The following MEIOB variants were observed in gnomAD, a reference collection of about 807,000 sequenced individuals.
MEIOB encodes the protein meiosis specific with OB-fold.
MEIOB carries 50 observed loss-of-function variants against 53.1 expected under a neutral mutation model. That is an observed-to-expected ratio of 0.94 (90% CI 0.75 to 1.19). MEIOB has a LOEUF of 1.19. Ranked by LOEUF, MEIOB falls within the 50% of genes most tolerant of loss-of-function variation. The pLI, the probability that MEIOB is intolerant of heterozygous loss-of-function variation, is 0.00. For synonymous variants in MEIOB, 192 were observed against 182.5 expected, an observed-to-expected ratio of 1.05 and a Z score of -0.42; for missense variants, 551 against 550.8, an observed-to-expected ratio of 1.00 and a Z score of 0.00.
intron 11 of MEIOB, chr16:1,841,038 CAG>C: frequency 9.7e-6 from 1 of 102,924 alleles, no homozygotes; most frequent in Non-Finnish European, 1.8e-5. Context: ...TTTTTTGAGA[CAG>C]AGTTTCACTC....
intron 7 of MEIOB, 112 bp from the exon 8 acceptor site, chr16:1,853,383 C>T: frequency 1.2e-6 from 1 of 831,040 alleles, no homozygotes; most frequent in Middle Eastern, 3.4e-4. Context: ...TCAGCCATCC[C>T]CAAGGTGGTC....
At position 1,859,007 on chromosome 16, in the gene MEIOB, C is replaced by CATGAGGCTCACAT. The variant is rs1272039239; in HGVS notation, c.333-1090_333-1078dup. 2.0e-5 allele frequency among the ~76,000 whole-genome samples: 3 copies of CATGAGGCTCACAT among 152,288 alleles called. No individual in the cohort carries two copies. In the East Asian group the frequency reaches 5.8e-4, roughly 29 times the overall value. On this transcript the variant is annotated intron_variant, in intron 5 of 13. Transcript: ENST00000325962. Reference sequence around the variant, plus strand: ...AGAAGGCAGACAAGACCTTTGATCTCATGAGGCTCACATATGTGAGGGGGA... The same window carrying CATGAGGCTCACAT: ...AGAAGGCAGACAAGACCTTTGATCTCATGAGGCTCACATATGAGGCTCACATATGTGAGGGGGA...
intron 6 of MEIOB, among the ~76,000 whole-genome samples, chr16:1,856,540 C>T (rs1459087002): frequency 4.6e-5 from 7 of 152,068 alleles, no homozygotes; most frequent in African/African-American, 7.2e-5. Context: ...AGGATGGTCT[C>T]GATCTCCTGA....
chr16:1,856,319 C>A (rs1190934797), intron 6 of MEIOB, among the ~76,000 whole-genome samples: 1 of 75,618 alleles, frequency 1.3e-5, no homozygotes, highest in Admixed American at 1.4e-4. Flanking sequence ...CCATGCCCAG[C>A]TAATTTTTTT....
chr16:1,861,094 T>A (rs1596981968), intron 4 of MEIOB, among the ~76,000 whole-genome samples: 1 of 152,174 alleles, frequency 6.6e-6, no homozygotes, highest in African/African-American at 2.4e-5. Context: ...TATTTCATAG[T>A]TGAGACCCAA....
Position 1,837,867 on chromosome 16 carries a change from G to A in MEIOB, c.1222C>T (p.His408Tyr). 3 of 1,505,070 alleles carry A rather than the reference G, an allele frequency of 2.0e-6. No homozygotes were observed. The highest frequency in any genetic ancestry group is 2.7e-6 in the Non-Finnish European group (3 of 1,125,942). 93.2% of individuals were successfully genotyped at this position (1,505,070 alleles called of 1,614,324 possible). The change falls in exon 13 of 14, where the codon CAT becomes TAT. Residue 408 changes from histidine to tyrosine, a missense_variant. By Grantham distance (83) the His-to-Tyr change is moderately conservative. Transcript: ENST00000325962. ...TCATCTGTCATTGCAAGAAACTCAT[G>A]TACCTGGTTAAAAAAAAAATATGAG... ...VAEETLGCTVHEFLAMTDEQK... is the reference protein window; with the variant it reads ...VAEETLGCTVYEFLAMTDEQK...
At chr16:1,866,565 AC>A in intron 2 of MEIOB, among the ~76,000 whole-genome samples, 1 of 152,040 alleles carries the variant, frequency 6.6e-6, no homozygotes, top group Non-Finnish European at 1.5e-5. Flanking sequence ...TACTAAAAAT[AC>A]AAAAAATTAG....
intron 2 of MEIOB, among the ~76,000 whole-genome samples, chr16:1,867,669 T>G (rs1002773224): frequency 6.6e-6 from 1 of 151,832 alleles, no homozygotes; most frequent in African/African-American, 2.4e-5. Context: ...ATGGGGTTTC[T>G]CCATGTTGAT....
At chr16:1,855,472 G>A (rs1040456981) in intron 6 of MEIOB, among the ~76,000 whole-genome samples, 3 of 152,028 alleles carry the variant, frequency 2.0e-5, no homozygotes, top group African/African-American at 7.2e-5. Flanking sequence ...AAAAGAAAAT[G>A]TAAGAGGGCT....
intron 3 of MEIOB, among the ~76,000 whole-genome samples, chr16:1,863,501 C>T (rs1024098672): frequency 2.6e-5 from 4 of 151,936 alleles, no homozygotes; most frequent in African/African-American, 7.3e-5. Context: ...ATTCTCCTGC[C>T]TCACCCTCCC....
At chr16:1,863,202 T>C (rs1899491642) in intron 3 of MEIOB, among the ~76,000 whole-genome samples, 1 of 151,974 alleles carries the variant, frequency 6.6e-6, no homozygotes, top group Admixed American at 6.6e-5. Flanking sequence ...CTGGGAAGAA[T>C]GAGTTCAGGG....
intron 1 of MEIOB, 93 bp from the exon 2 acceptor site, chr16:1,868,277 C>G: frequency 1.5e-6 from 1 of 684,370 alleles, no homozygotes; most frequent in Non-Finnish European, 2.5e-6. Flanking sequence ...TTATTTAGGG[C>G]CGGACATGGT....
rs1899101120 is a variant in MEIOB at position 1,849,307 on chromosome 16, CT to C, written c.778+3731del. Among the ~76,000 whole-genome samples, 4 of 152,136 alleles carry C rather than the reference CT, an allele frequency of 2.6e-5. No individual in the cohort carries two copies. The South Asian group carries it at 8.3e-4, about 32-fold the overall frequency. On this transcript the variant is annotated intron_variant, in intron 9 of 13. Coordinates refer to ENST00000325962, the MANE Select transcript of MEIOB (RefSeq NM_001163560.3). ...GTGGCTCACACTTGTAATCCCAGCA[CT>C]TTGGGAGGCCAAGGCAGGCAGATCA...
chr16:1,837,219 G>C (rs1233907085), intron 13 of MEIOB, among the ~76,000 whole-genome samples: 2 of 152,122 alleles, frequency 1.3e-5, no homozygotes, highest in East Asian at 3.8e-4. Flanking sequence ...CCTCTGCAGG[G>C]TCTCACAGGC....
In MEIOB at chr16:1,862,121, G is replaced by C. The variant is rs1256381738; in HGVS notation, c.128-5C>G. ...TGTACCTTTCTGATCCAATATCTAAGGGAAAACCAATGCTTTTATTTTTCA... is the reference window on the plus strand; with the variant it reads ...TGTACCTTTCTGATCCAATATCTAACGGAAAACCAATGCTTTTATTTTTCA... On this transcript the variant is annotated splice_region_variant and splice_polypyrimidine_tract_variant and intron_variant, in intron 3 of 13. Transcript: ENST00000325962. 1.3e-6 allele frequency: 2 copies of C among 1,548,134 alleles called. No homozygotes were observed. The highest frequency in any genetic ancestry group is 4.0e-5 in the Admixed American group (2 of 50,340).
At chr16:1,859,310 G>A (rs1177235562) in intron 5 of MEIOB, among the ~76,000 whole-genome samples, 2 of 152,184 alleles carry the variant, frequency 1.3e-5, no homozygotes, top group Non-Finnish European at 1.5e-5. Context: ...GGGAGGCCGA[G>A]GCGGGCGGAT....
chr16:1,849,414 C>T (rs1024670157), intron 9 of MEIOB, among the ~76,000 whole-genome samples: 11 of 151,958 alleles, frequency 7.2e-5, no homozygotes, highest in South Asian at 6.2e-4. Context: ...GGTGTGGTGG[C>T]GGGCACCTGT....
intron 3 of MEIOB, among the ~76,000 whole-genome samples, chr16:1,864,216 T>C (rs562411654): frequency 6.6e-6 from 1 of 152,272 alleles, no homozygotes; most frequent in East Asian, 1.9e-4. Context: ...CTGAACTGTC[T>C]ATTAGTGTTT....
chr16:1,841,616 A>C (rs1401984834), intron 11 of MEIOB, among the ~76,000 whole-genome samples: 1 of 152,228 alleles, frequency 6.6e-6, no homozygotes, highest in African/African-American at 2.4e-5. Flanking sequence ...TTATGGAAAT[A>C]CAGATTATAT....
Sources: gnomAD v4.1 joint callset for allele counts (sites outside exome capture counted in the v4.1 genomes callset) on GRCh38, gnomAD v4.1.1 for gene constraint, MANE v1.5 for transcripts, NCBI Gene and HGNC (gene_info 2026-07-23, HGNC 2026-07-21) for gene names.